The following IGSF21 variants were observed in gnomAD, a reference collection of about 807,000 sequenced individuals.
IGSF21 encodes immunoglobulin superfamily member 21.
IGSF21 carries 28 observed loss-of-function variants against 46.8 expected under a neutral mutation model. That is an observed-to-expected ratio of 0.60 (90% CI 0.44 to 0.82). IGSF21 has a LOEUF of 0.82. Among genes scored for constraint, IGSF21 ranks in the 40% least tolerant of loss-of-function variants. IGSF21 has a pLI of 0.00. For synonymous variants in IGSF21, 284 were observed against 273.6 expected (o/e 1.04, Z -0.38); for missense variants, 624 against 665.5 (o/e 0.94, Z 0.69).
At chr1:18,240,757 C>T (rs1243943248) in intron 2 of IGSF21, among the ~76,000 whole-genome samples, 1 of 152,186 alleles carries the variant, frequency 6.6e-6, no homozygotes, top group Non-Finnish European at 1.5e-5. Flanking sequence ...GACTTCCTAA[C>T]CCTGGAAATG....
At chr1:18,194,698 A>G (rs997030173) in intron 1 of IGSF21, among the ~76,000 whole-genome samples, 14 of 152,162 alleles carry the variant, frequency 9.2e-5, no homozygotes, top group African/African-American at 2.4e-4. Context: ...GCAAAGACCT[A>G]TTTCCAAATA....
intron 1 of IGSF21, among the ~76,000 whole-genome samples, chr1:18,148,016 T>G (rs1444763094): frequency 6.6e-6 from 1 of 152,142 alleles, no homozygotes; most frequent in Non-Finnish European, 1.5e-5. Flanking sequence ...ATGTAAGACA[T>G]CTCTTTGCTC....
chr1:18,292,031 A>G, intron 3 of IGSF21, 44 bp downstream of exon 3: 2 of 1,440,050 alleles, frequency 1.4e-6, no homozygotes, highest in Non-Finnish European at 9.6e-7. Flanking sequence ...GGAAGGGCGG[A>G]GGGATGGGGA....
At chr1:18,343,757 G>A (rs1177413566) in intron 4 of IGSF21, among the ~76,000 whole-genome samples, 1 of 152,202 alleles carries the variant, frequency 6.6e-6, no homozygotes, top group Non-Finnish European at 1.5e-5. Flanking sequence ...GACTGTGAAA[G>A]TGCGAGTTTA....
At position 18,378,310 on chromosome 1, in the gene IGSF21, T is replaced by C; in HGVS notation, c.1388T>C (p.Ile463Thr). 3 of 1,613,938 alleles carry C rather than the reference T, an allele frequency of 1.9e-6. No homozygotes were observed. The highest frequency in any genetic ancestry group is 2.5e-6 in the Non-Finnish European group (3 of 1,179,908). ...RLTLVLALTV[I>T]LELT Reference sequence around the variant, plus strand: ...ACCTTGGTGCTCGCCCTGACAGTGATTCTGGAGCTGACGTGAAGGCACCCG... The same window carrying C: ...ACCTTGGTGCTCGCCCTGACAGTGACTCTGGAGCTGACGTGAAGGCACCCG... The change falls in exon 10 of 10, where the codon ATT becomes ACT. Residue 463 changes from isoleucine to threonine, a missense_variant. Physicochemically the swap from Ile to Thr is moderately conservative, Grantham distance 89. Transcript: ENST00000251296.
chr1:18,187,521 C>G (rs2086915297), intron 1 of IGSF21, among the ~76,000 whole-genome samples: 1 of 152,170 alleles, frequency 6.6e-6, no homozygotes, highest in African/African-American at 2.4e-5. Context: ...ATAAAACCGT[C>G]AAATTTCACG....
In IGSF21 at chr1:18,288,102, G is replaced by A. The variant is rs76696424; in HGVS notation, c.184-3764G>A. ...GTTGCCTTATCCCCATTTCACAGATGAGGAAACTGAGACTAGGGGAGGTGG... is the reference window on the plus strand; with the variant it reads ...GTTGCCTTATCCCCATTTCACAGATAAGGAAACTGAGACTAGGGGAGGTGG... On this transcript the variant is annotated intron_variant, in intron 2 of 9. Coordinates refer to ENST00000251296, the MANE Select transcript of IGSF21 (RefSeq NM_032880.5). Among the ~76,000 whole-genome samples, 38 of 152,322 alleles carry A rather than the reference G, an allele frequency of 2.5e-4. No individual in the cohort carries two copies. The East Asian group carries it at 6.9e-3, about 28-fold the overall frequency.
chr1:18,129,888 G>A (rs4920435), intron 1 of IGSF21, among the ~76,000 whole-genome samples: 42,921 of 152,012 alleles, frequency 0.28, 7,309 homozygotes, highest in East Asian at 0.64. Context: ...TTGCCCTTCC[G>A]CGCGCCTTCC....
intron 7 of IGSF21, 86 bp from the exon 8 acceptor site, chr1:18,376,714 C>G (rs10796451): frequency 0.75 from 987,842 of 1,323,022 alleles, 369,647 homozygotes; most frequent in Admixed American, 0.8. Context: ...TGCTGTGCCA[C>G]CCCTGGCCAG....
At chr1:18,140,732 G>A (rs2086408175) in intron 1 of IGSF21, among the ~76,000 whole-genome samples, 2 of 152,160 alleles carry the variant, frequency 1.3e-5, no homozygotes, top group South Asian at 2.1e-4. Context: ...CCCTGACTAC[G>A]CCCTGTGCTT....
intron 4 of IGSF21, among the ~76,000 whole-genome samples, chr1:18,351,228 C>T (rs937502293): frequency 2.0e-5 from 3 of 151,926 alleles, no homozygotes; most frequent in African/African-American, 7.2e-5. Flanking sequence ...ACTAGAATTG[C>T]CTTTCTGCTC....
At chr1:18,171,709 T>G (rs2086738669) in intron 1 of IGSF21, among the ~76,000 whole-genome samples, 1 of 152,206 alleles carries the variant, frequency 6.6e-6, no homozygotes, top group Admixed American at 6.5e-5. Flanking sequence ...TGGCACAAAC[T>G]CCCTTGGCCA....
intron 1 of IGSF21, among the ~76,000 whole-genome samples, chr1:18,225,029 C>T (rs955288913): frequency 3.4e-5 from 5 of 148,936 alleles, no homozygotes; most frequent in African/African-American, 9.9e-5. Context: ...CACACCACTG[C>T]ACTCCAGCCT....
intron 1 of IGSF21, among the ~76,000 whole-genome samples, chr1:18,177,224 T>G (rs1157540191): frequency 6.6e-6 from 1 of 151,634 alleles, no homozygotes; most frequent in Non-Finnish European, 1.5e-5. Flanking sequence ...GAATCCAGAG[T>G]CAGTAATAAT....
Position 18,337,030 on chromosome 1 carries a change from C to T in IGSF21, c.424+2020C>T, listed in dbSNP as rs1194228897. 1.3e-5 allele frequency among the ~76,000 whole-genome samples: 2 copies of T among 152,218 alleles called. No homozygotes were observed. Among genetic ancestry groups the T allele is most frequent in the East Asian group, 1.9e-4 (1 of 5,198 alleles). ...ATCTCCCACTAGGTCCCTCCTACAA[C>T]ACATGGGAATTGTGGGAGCTACAGT... On this transcript the variant is annotated intron_variant, in intron 4 of 9. Transcript: ENST00000251296. This position sits in a 1 kb window ranked among gnomAD's most constrained non-coding sequence, Gnocchi z 5.7.
intron 1 of IGSF21, among the ~76,000 whole-genome samples, chr1:18,180,455 T>A (rs1312564633): frequency 1.3e-5 from 2 of 152,174 alleles, no homozygotes; most frequent in Admixed American, 6.5e-5. Flanking sequence ...GGCCTGGACA[T>A]ACAAACAAGC....
chr1:18,187,493 C>A (rs1483003756), intron 1 of IGSF21, among the ~76,000 whole-genome samples: 1 of 152,134 alleles, frequency 6.6e-6, no homozygotes, highest in Non-Finnish European at 1.5e-5. Context: ...GAGAGCCAAG[C>A]AAAAGGAGTT....
intron 5 of IGSF21, among the ~76,000 whole-genome samples, chr1:18,363,162 C>T (rs563455956): frequency 3.9e-5 from 6 of 152,338 alleles, no homozygotes; most frequent in South Asian, 4.1e-4. Context: ...GTTTGGGCTA[C>T]GTACCCTTTC....
chr1:18,340,885 C>T (rs1203241463), intron 4 of IGSF21, among the ~76,000 whole-genome samples: 1 of 151,950 alleles, frequency 6.6e-6, no homozygotes, highest in Non-Finnish European at 1.5e-5. Context: ...TGCTTCTGCC[C>T]CTGCTTCTGC....
Sources: gnomAD v4.1 joint callset for allele counts (sites outside exome capture counted in the v4.1 genomes callset) on GRCh38, gnomAD v4.1.1 for gene constraint, Gnocchi (gnomAD v3.1) non-coding constraint, MANE v1.5 for transcripts, NCBI Gene and HGNC (gene_info 2026-07-23, HGNC 2026-07-21) for gene names.